Variants in MAP2K1 observed in about 807,000 individuals in gnomAD.
MAP2K1 encodes the protein mitogen-activated protein kinase kinase 1.
In MAP2K1, 16 loss-of-function variants were observed where a neutral mutation model predicts 46.3. The observed-to-expected ratio is 0.35, with a 90% CI of 0.23 to 0.52. MAP2K1 has a LOEUF of 0.52. MAP2K1 is among the 20% of genes least tolerant of loss of function. MAP2K1 has a pLI of 0.94. For missense variants in MAP2K1, 263 were observed against 497.1 expected, an observed-to-expected ratio of 0.53 and a Z score of 4.48; for synonymous variants, 183 against 185.6, an observed-to-expected ratio of 0.99 and a Z score of 0.11.
chr15:66,461,476 C>CTAAG (rs1555418385), intron 5 of MAP2K1, among the ~76,000 whole-genome samples: 1 of 140,136 alleles, frequency 7.1e-6, no homozygotes, highest in Non-Finnish European at 1.5e-5. Context: ...GACTCTGTCT[C>CTAAG]TAAATAAATA....
intron 1 of MAP2K1, among the ~76,000 whole-genome samples, chr15:66,415,716 T>C (rs1400321882): frequency 2.6e-5 from 4 of 152,240 alleles, no homozygotes; most frequent in Admixed American, 2.6e-4. Context: ...CTTGTCACTT[T>C]CTTTAGAATT....
intron 5 of MAP2K1, among the ~76,000 whole-genome samples, chr15:66,455,865 A>G (rs1016067446): frequency 2.0e-5 from 3 of 152,330 alleles, no homozygotes; most frequent in Non-Finnish European, 2.9e-5. Flanking sequence ...ATTATACAGA[A>G]CATTGTATTC....
intron 1 of MAP2K1, among the ~76,000 whole-genome samples, chr15:66,421,629 T>C (rs944302022): frequency 6.6e-6 from 1 of 151,618 alleles, no homozygotes; most frequent in African/African-American, 2.4e-5. Context: ...GGTGAAATCC[T>C]GTCTCTACTA....
At chr15:66,475,051 T>C (rs112405430) in intron 5 of MAP2K1, among the ~76,000 whole-genome samples, 19 of 152,260 alleles carry the variant, frequency 1.2e-4, no homozygotes, top group South Asian at 6.2e-4. Context: ...GGCTTTTTTT[T>C]CCCAATGCTC....
chr15:66,460,429 C>G (rs941236965), intron 5 of MAP2K1, among the ~76,000 whole-genome samples: 1 of 151,936 alleles, frequency 6.6e-6, no homozygotes, highest in African/African-American at 2.4e-5. Flanking sequence ...GAAAGGAATT[C>G]CAGGTAGAGG....
chr15:66,452,091 A>G (rs1338455291), intron 5 of MAP2K1, among the ~76,000 whole-genome samples: 5 of 95,378 alleles, frequency 5.2e-5, no homozygotes, highest in East Asian at 3.4e-4. Context: ...GAACAATGAG[A>G]TCACTTGGAC....
At chr15:66,454,154 C>G (rs908150765) in intron 5 of MAP2K1, among the ~76,000 whole-genome samples, 1 of 152,162 alleles carries the variant, frequency 6.6e-6, no homozygotes, top group Non-Finnish European at 1.5e-5. Context: ...ACTTAAGTAC[C>G]CTTTAAGCCT....
At chr15:66,393,564 G>C (rs2093361469) in intron 1 of MAP2K1, among the ~76,000 whole-genome samples, 1 of 152,124 alleles carries the variant, frequency 6.6e-6, no homozygotes, top group African/African-American at 2.4e-5. Context: ...CTTTGACCTT[G>C]GGCAAGTCCT....
At chr15:66,421,563 G>A (rs2093443615) in intron 1 of MAP2K1, among the ~76,000 whole-genome samples, 3 of 151,956 alleles carry the variant, frequency 2.0e-5, no homozygotes, top group African/African-American at 7.2e-5. Context: ...CACTTTGGGA[G>A]GCCGAGGTGG....
chr15:66,412,542 C>T (rs2093413893), intron 1 of MAP2K1, among the ~76,000 whole-genome samples: 1 of 152,234 alleles, frequency 6.6e-6, no homozygotes, highest in Non-Finnish European at 1.5e-5. Flanking sequence ...ATAATTTTTA[C>T]ACTTACCCAG....
At chr15:66,390,552 C>G (rs1464037306) in intron 1 of MAP2K1, among the ~76,000 whole-genome samples, 1 of 152,098 alleles carries the variant, frequency 6.6e-6, no homozygotes, top group Admixed American at 6.6e-5. Flanking sequence ...AATACGGGAC[C>G]TGAAGTTGAT....
intron 5 of MAP2K1, among the ~76,000 whole-genome samples, chr15:66,461,438 C>T (rs1892316112): frequency 6.6e-6 from 1 of 151,390 alleles, no homozygotes; most frequent in South Asian, 2.1e-4. Context: ...GATTGCGCCA[C>T]TGCACTCCAG....
At chr15:66,425,440 C>T (rs768866366) in intron 1 of MAP2K1, among the ~76,000 whole-genome samples, 8 of 152,078 alleles carry the variant, frequency 5.3e-5, no homozygotes, top group Non-Finnish European at 1.2e-4. Flanking sequence ...ACATCTTGGC[C>T]GCCTACTCTT....
intron 5 of MAP2K1, chr15:66,445,050 C>T (rs1055606506): frequency 1.5e-5 from 4 of 259,606 alleles, no homozygotes; most frequent in Non-Finnish European, 3.0e-5. Context: ...CAGGACTGGC[C>T]AGCTGCATAT....
chr15:66,443,066 GT>G (rs2093508889), intron 3 of MAP2K1, among the ~76,000 whole-genome samples: 2 of 142,024 alleles, frequency 1.4e-5, no homozygotes, highest in Non-Finnish European at 3.1e-5. Flanking sequence ...GCCTTCTGGG[GT>G]TTTTTTGTGT....
chr15:66,446,125 T>C (rs1425828574), intron 5 of MAP2K1, among the ~76,000 whole-genome samples: 2 of 152,032 alleles, frequency 1.3e-5, no homozygotes, highest in East Asian at 3.9e-4. Flanking sequence ...ATCAGGAAGC[T>C]GAGGGAGAAG....
At chr15:66,418,732 A>G (rs1264664579) in intron 1 of MAP2K1, among the ~76,000 whole-genome samples, 2 of 149,444 alleles carry the variant, frequency 1.3e-5, no homozygotes, top group Admixed American at 6.7e-5. Flanking sequence ...GCGGGATCTC[A>G]GCTCACTGCA....
chr15:66,430,980 G>C (rs1032717641), intron 1 of MAP2K1, among the ~76,000 whole-genome samples: 2 of 152,162 alleles, frequency 1.3e-5, no homozygotes, highest in African/African-American at 4.8e-5. Flanking sequence ...CCGTTAGACA[G>C]CCATGATGCA....
intron 1 of MAP2K1, among the ~76,000 whole-genome samples, chr15:66,417,148 A>G (rs146394496): frequency 1.1e-4 from 16 of 152,180 alleles, no homozygotes; most frequent in African/African-American, 3.1e-4. Flanking sequence ...AGAAGCAAGC[A>G]CTATCAGTTT....
Sources: allele counts gnomAD v4.1 joint callset (sites outside exome capture counted in the v4.1 genomes callset), GRCh38; gene constraint gnomAD v4.1.1; transcripts MANE v1.5; gene names NCBI Gene and HGNC (gene_info 2026-07-23, HGNC 2026-07-21).